The following PRKN variants were observed in gnomAD, a reference collection of about 807,000 sequenced individuals.
The protein encoded by PRKN is E3 ubiquitin-protein ligase parkin.
A neutral mutation model predicts 59.5 loss-of-function variants in PRKN; 56 were observed. That is an observed-to-expected ratio of 0.94 (90% CI 0.76 to 1.18). The LOEUF (loss-of-function observed/expected upper bound fraction) is 1.18, where lower values mean the gene tolerates loss of function less well. Ranked by LOEUF, PRKN falls within the 50% of genes most tolerant of loss-of-function variation. The pLI, the probability that PRKN is intolerant of heterozygous loss-of-function variation, is 0.00. For synonymous variants in PRKN, 250 were observed against 222.1 expected, an observed-to-expected ratio of 1.13 and a Z score of -1.12; for missense variants, 657 against 596.4, an observed-to-expected ratio of 1.10 and a Z score of -1.06.
At position 162,254,668 on chromosome 6, in the gene PRKN, C is replaced by A. The variant is rs1020753563; in HGVS notation, c.412+7857G>T. On this transcript the variant is annotated intron_variant, in intron 3 of 11. Coordinates refer to ENST00000366898, the MANE Select transcript of PRKN (RefSeq NM_004562.3). ...CTGAAAGCTAACTTGTTCCTAACTGCCCCCATCCTTCATCCACTGCCAGAG... is the reference window on the plus strand; with the variant it reads ...CTGAAAGCTAACTTGTTCCTAACTGACCCCATCCTTCATCCACTGCCAGAG... Among the ~76,000 whole-genome samples, 6 of 152,130 alleles carry A rather than the reference C, an allele frequency of 3.9e-5. No individual in the cohort carries two copies. The South Asian group carries it at 1.2e-3, about 32-fold the overall frequency.
intron 6 of PRKN, among the ~76,000 whole-genome samples, chr6:161,835,370 A>AC (rs1055060769): frequency 6.6e-6 from 1 of 151,538 alleles, no homozygotes; most frequent in Non-Finnish European, 1.5e-5. Flanking sequence ...CCCACTCCAC[A>AC]CCCCCTGGGA....
intron 7 of PRKN, among the ~76,000 whole-genome samples, chr6:161,622,062 GC>G (rs926548556): frequency 2.0e-5 from 3 of 152,074 alleles, no homozygotes; most frequent in South Asian, 2.1e-4. Context: ...TACCTGTTAG[GC>G]CCCCCGTCTC....
intron 9 of PRKN, among the ~76,000 whole-genome samples, chr6:161,481,539 G>C (rs1000739792): frequency 6.6e-6 from 1 of 152,118 alleles, no homozygotes; most frequent in African/African-American, 2.4e-5. Context: ...GGGAGGTGGA[G>C]GTTGCAGTGA....
Position 161,673,277 on chromosome 6 carries a change from G to A in PRKN, c.872-103861C>T, listed in dbSNP as rs540985976. ...CCATGGGGATAAGTGTGCGGGGTGG[G>A]GGCTGGGAATGCCTGGAGAAGGAGG... is the stretch of plus-strand genomic sequence containing the variant. On this transcript the variant is annotated intron_variant, in intron 7 of 11. Coordinates refer to ENST00000366898, the MANE Select transcript of PRKN (RefSeq NM_004562.3). 2.0e-5 allele frequency among the ~76,000 whole-genome samples: 3 copies of A among 152,264 alleles called. No individual in the cohort carries two copies. In the East Asian group the frequency reaches 5.8e-4, roughly 29 times the overall value.
chr6:161,854,442 G>GTAAT (rs1289556949), intron 6 of PRKN, among the ~76,000 whole-genome samples: 1 of 152,118 alleles, frequency 6.6e-6, no homozygotes, highest in African/African-American at 2.4e-5. Context: ...GCTGCAAAAA[G>GTAAT]TAATTTTTTC....
chr6:161,510,099 T>C (rs1204736151), intron 9 of PRKN, among the ~76,000 whole-genome samples: 1 of 152,070 alleles, frequency 6.6e-6, no homozygotes, highest in Non-Finnish European at 1.5e-5. Context: ...GACATATGCA[T>C]CGTTGAGAGG....
At chr6:162,407,406 G>T (rs186659475) in intron 2 of PRKN, among the ~76,000 whole-genome samples, 1 of 152,114 alleles carries the variant, frequency 6.6e-6, no homozygotes, top group African/African-American at 2.4e-5. Flanking sequence ...CTCCCACATC[G>T]TGAAAACAAA....
chr6:162,378,778 T>C (rs79680855), intron 2 of PRKN, among the ~76,000 whole-genome samples: 1,900 of 152,336 alleles, frequency 0.012, 38 homozygotes, highest in African/African-American at 0.044. Flanking sequence ...AGGAAACTTA[T>C]GCTCTGCATA....
chr6:162,165,762 A>G (rs1473538227), intron 4 of PRKN, among the ~76,000 whole-genome samples: 2 of 130,302 alleles, frequency 1.5e-5, no homozygotes, highest in Non-Finnish European at 3.3e-5. Flanking sequence ...ACTCAAGAGA[A>G]GTGAGGCCGA....
At chr6:162,194,429 G>T (rs1419643147) in intron 4 of PRKN, among the ~76,000 whole-genome samples, 1 of 152,194 alleles carries the variant, frequency 6.6e-6, no homozygotes, top group Non-Finnish European at 1.5e-5. Context: ...TGGTGGAAAA[G>T]AACATTTACG....
chr6:162,080,625 C>G (rs1583003349), intron 4 of PRKN, among the ~76,000 whole-genome samples: 1 of 152,108 alleles, frequency 6.6e-6, no homozygotes, highest in Admixed American at 6.6e-5. Context: ...TAACTCTCAT[C>G]TGAACCTTCA....
chr6:162,117,684 C>G (rs1780732448), intron 4 of PRKN, among the ~76,000 whole-genome samples: 1 of 152,206 alleles, frequency 6.6e-6, no homozygotes, highest in Admixed American at 6.5e-5. Context: ...AGATGGAATC[C>G]CAACACAGGT....
At chr6:162,175,205 G>A (rs1252216433) in intron 4 of PRKN, among the ~76,000 whole-genome samples, 1 of 152,206 alleles carries the variant, frequency 6.6e-6, no homozygotes, top group African/African-American at 2.4e-5. Flanking sequence ...CTCCAGGCAA[G>A]CTGTCCCAGA....
At chr6:161,986,977 A>C (rs1781457827) in intron 5 of PRKN, among the ~76,000 whole-genome samples, 1 of 152,232 alleles carries the variant, frequency 6.6e-6, no homozygotes, top group African/African-American at 2.4e-5. Flanking sequence ...AAATGACTTT[A>C]GACTTGGAAT....
intron 3 of PRKN, among the ~76,000 whole-genome samples, chr6:162,252,719 C>G (rs546030492): frequency 1.3e-4 from 20 of 152,362 alleles, no homozygotes; most frequent in African/African-American, 4.6e-4. Flanking sequence ...TGTTCTTTCA[C>G]TTCCCAGCAT....
At chr6:162,520,577 C>T (rs899413530) in intron 1 of PRKN, among the ~76,000 whole-genome samples, 3 of 152,056 alleles carry the variant, frequency 2.0e-5, no homozygotes, top group Non-Finnish European at 4.4e-5. Context: ...AACCTCTTGC[C>T]AAATATTATT....
intron 6 of PRKN, among the ~76,000 whole-genome samples, chr6:161,872,856 C>T (rs1470184464): frequency 6.6e-6 from 1 of 151,998 alleles, no homozygotes; most frequent in Non-Finnish European, 1.5e-5. Context: ...CATTTTTCAT[C>T]TCTCCCAGTG....
intron 9 of PRKN, among the ~76,000 whole-genome samples, chr6:161,453,361 GC>G (rs1789827437): frequency 6.6e-6 from 1 of 152,114 alleles, no homozygotes; most frequent in Non-Finnish European, 1.5e-5. Context: ...TCAGACTCTT[GC>G]CTGTGTAGAT....
chr6:161,616,965 G>C (rs752873956), intron 7 of PRKN, among the ~76,000 whole-genome samples: 14 of 152,142 alleles, frequency 9.2e-5, no homozygotes, highest in Admixed American at 2.6e-4. Flanking sequence ...TCTGGTTCTA[G>C]ATCCTTGAGG....
Sources: allele counts gnomAD v4.1 joint callset (sites outside exome capture counted in the v4.1 genomes callset), GRCh38; gene constraint gnomAD v4.1.1; transcripts MANE v1.5; gene names NCBI Gene and HGNC (gene_info 2026-07-23, HGNC 2026-07-21).